Variants in NEB observed in about 807,000 individuals in gnomAD.
NEB encodes the protein nemaline myopathy type 2.
Under a neutral mutation model 952.2 loss-of-function variants are expected in NEB, and 512 were observed. The ratio of observed to expected loss-of-function variants is 0.54; its 90% CI spans 0.50 to 0.58. NEB has a LOEUF of 0.58. Ranked by LOEUF, NEB falls within the 20% of genes least tolerant of loss-of-function variation. The pLI is 0.00. For missense variants in NEB, 8,428 were observed against 9,231.1 expected, an observed-to-expected ratio of 0.91 and a Z score of 3.56; for synonymous variants, 2,900 against 3,149.8, an observed-to-expected ratio of 0.92 and a Z score of 2.66.
chr2:151,662,004 C>A, intron 46 of NEB, 131 bp downstream of exon 46: 1 of 673,936 alleles, frequency 1.5e-6, no homozygotes, highest in Non-Finnish European at 2.3e-6. Context: ...AACGACAAGA[C>A]TCTTTTTCTA....
At chr2:151,725,322 T>C (rs2099787233) in intron 6 of NEB, 131 bp downstream of exon 6, 1 of 758,056 alleles carries the variant, frequency 1.3e-6, no homozygotes, top group Non-Finnish European at 2.2e-6. Context: ...GGTTCATGCT[T>C]TTCTAGATTT....
intron 171 of NEB, chr2:151,497,387 T>C (rs1284210198): frequency 1.0e-6 from 1 of 980,018 alleles, no homozygotes; most frequent in African/African-American, 1.8e-5. Context: ...GAAAAACTCA[T>C]TATTTTAAAA....
intron 5 of NEB, 53 bp from the exon 6 acceptor site, chr2:151,725,613 C>G: frequency 7.3e-7 from 1 of 1,362,708 alleles, no homozygotes; most frequent in Non-Finnish European, 1.0e-6. Flanking sequence ...AAATTTCAGG[C>G]AACATACTCA....
At position 151,620,993 on chromosome 2, in the gene NEB, T is replaced by C. The variant is rs772708057; in HGVS notation, c.10486A>G (p.Lys3496Glu). ...LYRQAMEEAK[K>E]EGYDLRSDAI... ...TCACTTCTCAAGTCATAGCCTTCTT[T>C]CTTGGCTTCTTCCATGGCCTGACGA... The change falls in exon 72 of 182, where the codon AAA (lysine) becomes GAA (glutamate). Residue 3496 changes from lysine (K) to glutamate (E), a missense_variant. This residue lies in a region of NEB where 1,772 missense variants were observed against 1,960.3 expected (regional missense o/e 0.90). Transcript: ENST00000397345. 1.9e-6 allele frequency: 3 copies of C among 1,612,296 alleles called. No individual in the cohort carries two copies. The highest frequency in any genetic ancestry group is 1.1e-5 in the South Asian group (1 of 90,614).
intron 161 of NEB, among the ~76,000 whole-genome samples, chr2:151,511,079 C>T (rs935012653): frequency 2.0e-5 from 3 of 152,192 alleles, no homozygotes; most frequent in East Asian, 3.9e-4. Flanking sequence ...GAGCAAGTGA[C>T]GTGATCCCAC....
intron 123 of NEB, 56 bp downstream of exon 123, chr2:151,560,948 G>T: frequency 9.2e-7 from 1 of 1,088,906 alleles, no homozygotes; most frequent in Non-Finnish European, 1.4e-6. Flanking sequence ...TTCTCTTACT[G>T]TCCCAGAAGG....
chr2:151,519,219 CA>C, intron 154 of NEB, 150 bp from the exon 155 acceptor site: 1 of 658,964 alleles, frequency 1.5e-6, no homozygotes. Context: ...AAGGCAGAAA[CA>C]ACCCAAGTGT....
intron 13 of NEB, among the ~76,000 whole-genome samples, chr2:151,699,044 G>C (rs2099624144): frequency 7.4e-6 from 1 of 135,732 alleles, no homozygotes; most frequent in Non-Finnish European, 1.6e-5. Context: ...CCCAGAGTGT[G>C]ATATTCCCCT....
intron 61 of NEB, 111 bp from the exon 62 acceptor site, chr2:151,640,171 G>T: frequency 6.8e-7 from 1 of 1,463,942 alleles, no homozygotes; most frequent in Non-Finnish European, 9.4e-7. Context: ...TGGTGGACGG[G>T]CCAGGTATCA....
chr2:151,524,495 C>G lies in NEB; in HGVS notation c.22374+20G>C, dbSNP rs764649803. ...GGCAATGGCTGTTGGGGACTGGGGACATTTTCATGACACCCTTACCTCACT... is the reference window on the plus strand; with the variant it reads ...GGCAATGGCTGTTGGGGACTGGGGAGATTTTCATGACACCCTTACCTCACT... On this transcript the variant is annotated intron_variant, in intron 152 of 181. Coordinates refer to ENST00000397345, the MANE Select transcript of NEB (RefSeq NM_001164508.2). 7 of 1,613,388 alleles carry G rather than the reference C, an allele frequency of 4.3e-6. No homozygotes were observed. The highest frequency in any genetic ancestry group is 1.7e-5 in the Admixed American group (1 of 59,996).
At position 151,616,079 on chromosome 2, in the gene NEB, T is replaced by G; in HGVS notation, c.11212A>C (p.Lys3738Gln). ...AGACGCAAGTCATAGCCTTCCTTCT[T>G]GGACTCTTCCAAAGCAAGTTTATAG... The part of the protein sequence containing the change: ...KLYKLALEES[K>Q]KEGYDLRLDA... The change falls in exon 76 of 182, where the codon AAG (lysine) becomes CAG (glutamine). Residue 3738 changes from lysine (K) to glutamine (Q), a missense_variant. Coordinates refer to ENST00000397345, the MANE Select transcript of NEB (RefSeq NM_001164508.2). 1 of 1,612,956 alleles carries G rather than the reference T, an allele frequency of 6.2e-7. No individual in the cohort carries two copies. Among genetic ancestry groups the G allele is most frequent in the Non-Finnish European group, 8.5e-7 (1 of 1,179,484 alleles).
chr2:151,499,215 G>C (rs2062590216), intron 169 of NEB, 83 bp downstream of exon 169: 1 of 720,228 alleles, frequency 1.4e-6, no homozygotes, highest in South Asian at 1.9e-5. Flanking sequence ...ATTGGGATGA[G>C]TTGATTAGAT....
Position 151,672,589 on chromosome 2 carries a change from T to G in NEB, c.4079A>C (p.Asn1360Thr). 3 of 1,614,018 alleles carry G rather than the reference T, an allele frequency of 1.9e-6. No individual in the cohort carries two copies. Among genetic ancestry groups the G allele is most frequent in the Non-Finnish European group, 1.7e-6 (2 of 1,179,884 alleles). ...QDDPKLVHYM[N>T]VAKLQSDREY... Reference sequence around the variant, plus strand: ...ACGATCAGACTGCAGCTTTGCCACATTCATATAGTGGACCAGCTTGGGATC... The same window carrying G: ...ACGATCAGACTGCAGCTTTGCCACAGTCATATAGTGGACCAGCTTGGGATC... The change falls in exon 37 of 182, where the codon AAT (asparagine) becomes ACT (threonine). Residue 1360 changes from asparagine to threonine, a missense_variant. By Grantham distance (65) the Asn-to-Thr change is moderately conservative. Transcript: ENST00000397345.
intron 107 of NEB, among the ~76,000 whole-genome samples, chr2:151,574,625 A>T (rs2096766701): frequency 6.6e-6 from 1 of 152,196 alleles, no homozygotes. Flanking sequence ...GCATTCCTGC[A>T]TGAACCCCAG....
chr2:151,492,147 C>T lies in NEB; in HGVS notation c.25008G>A (p.Val8336=). Residue 8336 remains valine (V), a synonymous_variant, in exon 178 of 182, where the codon GTG becomes GTA. Coordinates refer to ENST00000397345, the MANE Select transcript of NEB (RefSeq NM_001164508.2). ...DINYRGIQRK[V]VEMEQKRNDQ... The stretch of plus-strand genomic sequence containing the variant: ...CATTCCGTTTTTGTTCCATTTCTAC[C>T]ACTTTCCTCTGAATACCTCGGTAGT... The T allele has an allele frequency of 1.2e-6, 2 of 1,613,914 alleles. No homozygotes were observed. Among genetic ancestry groups the T allele is most frequent in the Admixed American group, 1.7e-5 (1 of 60,016 alleles).
intron 2 of NEB, 89 bp from the exon 3 acceptor site, chr2:151,733,274 G>A (rs2099813323): frequency 2.1e-6 from 2 of 961,266 alleles, no homozygotes; most frequent in East Asian, 5.3e-5. Context: ...AGAATTTGAA[G>A]CTAAACTATT....
intron 71 of NEB, among the ~76,000 whole-genome samples, chr2:151,624,249 A>C (rs2098475311): frequency 6.6e-6 from 1 of 152,146 alleles, no homozygotes. Context: ...CCTTCAATGC[A>C]TGATCATGCA....
In NEB at chr2:151,525,287, G is replaced by C. The variant is rs377752982; in HGVS notation, c.22162-14C>G. ...TTTGTAATTTGTCTAAATAGAGCCAGAATTACTTTTATGAGTAGAGGAAGC... is the reference window on the plus strand; with the variant it reads ...TTTGTAATTTGTCTAAATAGAGCCACAATTACTTTTATGAGTAGAGGAAGC... On this transcript the variant is annotated splice_polypyrimidine_tract_variant and intron_variant, in intron 150 of 181. Coordinates refer to ENST00000397345, the MANE Select transcript of NEB (RefSeq NM_001164508.2). 25 of 1,569,510 alleles carry C rather than the reference G, an allele frequency of 1.6e-5. No individual in the cohort carries two copies. The highest frequency in any genetic ancestry group is 2.1e-5 in the Non-Finnish European group (24 of 1,140,236).
At position 151,627,129 on chromosome 2, in the gene NEB, C is replaced by T. The variant is rs2098541139; in HGVS notation, c.10220G>A (p.Cys3407Tyr). ...ACTCAGTATTTCAGCAGCTCTCTTGCACTTGACCACATCCATAGACCCAAT... is the reference window on the plus strand; with the variant it reads ...ACTCAGTATTTCAGCAGCTCTCTTGTACTTGACCACATCCATAGACCCAAT... ...VPIGSMDVVKCKRAAEILSDN... is the reference protein window; with the variant it reads ...VPIGSMDVVKYKRAAEILSDN... The change falls in exon 70 of 182, where the codon TGC (cysteine) becomes TAC (tyrosine). Residue 3407 changes from cysteine (C) to tyrosine (Y), a missense_variant. By Grantham distance (194) the Cys-to-Tyr change is radical. Coordinates refer to ENST00000397345, the MANE Select transcript of NEB (RefSeq NM_001164508.2). 1.2e-6 allele frequency: 2 copies of T among 1,613,844 alleles called. No homozygotes were observed. The highest frequency in any genetic ancestry group is 4.5e-5 in the East Asian group (2 of 44,894).
Sources: allele counts gnomAD v4.1 joint callset (sites outside exome capture counted in the v4.1 genomes callset), GRCh38; gene constraint gnomAD v4.1.1; regional missense constraint gnomAD v4.1.1; transcripts MANE v1.5; gene names NCBI Gene and HGNC (gene_info 2026-07-23, HGNC 2026-07-21).